Variants in EVI5 observed in about 807,000 individuals in gnomAD.
EVI5 encodes the protein ecotropic viral integration site 5 protein homolog.
In EVI5, 73 loss-of-function variants were observed where a neutral mutation model predicts 112.0. The observed-to-expected ratio is 0.65, with a 90% CI of 0.54 to 0.79. The LOEUF (loss-of-function observed/expected upper bound fraction) is 0.79, where lower values mean the gene tolerates loss of function less well. Ranked by LOEUF, EVI5 falls within the 30% of genes least tolerant of loss-of-function variation. The probability of loss-of-function intolerance (pLI) is 0.00; values close to 1 mark genes in which losing one functional copy is unlikely to be tolerated. For synonymous variants in EVI5, 305 were observed against 319.9 expected, an observed-to-expected ratio of 0.95 and a Z score of 0.50; for missense variants, 900 against 968.8, an observed-to-expected ratio of 0.93 and a Z score of 0.94.
intron 1 of EVI5, among the ~76,000 whole-genome samples, chr1:92,743,484 A>G (rs1678760055): frequency 6.6e-6 from 1 of 152,252 alleles, no homozygotes; most frequent in South Asian, 2.1e-4. Flanking sequence ...AGTCAAATCC[A>G]CAGAGACAGA....
At chr1:92,576,151 A>G (rs183333956) in intron 18 of EVI5, among the ~76,000 whole-genome samples, 7 of 152,330 alleles carry the variant, frequency 4.6e-5, no homozygotes, top group Non-Finnish European at 8.8e-5. Context: ...AACAGTGCTA[A>G]AAGACACTGG....
intron 5 of EVI5, among the ~76,000 whole-genome samples, chr1:92,700,562 T>C (rs1180771185): frequency 1.3e-5 from 2 of 152,150 alleles, no homozygotes; most frequent in African/African-American, 4.8e-5. Context: ...GTAATAATAC[T>C]TATTGAAGTT....
intron 16 of EVI5, among the ~76,000 whole-genome samples, chr1:92,608,128 GCGACA>G (rs1302333235): frequency 1.3e-4 from 19 of 150,992 alleles, no homozygotes; most frequent in Non-Finnish European, 2.7e-4. Flanking sequence ...TCCAGCCTGG[GCGACA>G]GAGCGAGACT....
chr1:92,577,899 T>C (rs80227894), intron 18 of EVI5, among the ~76,000 whole-genome samples: 2 of 152,338 alleles, frequency 1.3e-5, no homozygotes, highest in African/African-American at 2.4e-5. Flanking sequence ...CCATTTTTGC[T>C]TTCTGGCTTT....
rs574684561 is a variant in EVI5, at chr1:92,633,691, A to G, written c.1527+2511T>C. Among the ~76,000 whole-genome samples, 7 of 152,240 alleles carry G rather than the reference A, an allele frequency of 4.6e-5. No homozygotes were observed. The South Asian group carries it at 1.0e-3, about 23-fold the overall frequency. ...CTTTACATTTAAGGTTAATATTGTT[A>G]TGTGTGAATTTGATCCTGACATTAT... On this transcript the variant is annotated intron_variant, in intron 14 of 19. Transcript: ENST00000684568.
At chr1:92,776,767 C>G (rs1684189444) in intron 1 of EVI5, among the ~76,000 whole-genome samples, 1 of 150,948 alleles carries the variant, frequency 6.6e-6, no homozygotes, top group South Asian at 2.1e-4. Flanking sequence ...TACCAAGTAG[C>G]TGGGACTACA....
At chr1:92,663,820 T>C (rs1664421521) in intron 11 of EVI5, among the ~76,000 whole-genome samples, 1 of 152,190 alleles carries the variant, frequency 6.6e-6, no homozygotes, top group African/African-American at 2.4e-5. Context: ...TGTAGCTCAT[T>C]GTAACTGCCA....
chr1:92,726,732 G>C (rs1353421973), intron 2 of EVI5, among the ~76,000 whole-genome samples: 1 of 152,038 alleles, frequency 6.6e-6, no homozygotes, highest in East Asian at 1.9e-4. Context: ...ATGTAGTGTA[G>C]AGTTTATAAC....
At chr1:92,785,962 T>TAGTAC (rs1685594359), upstream of EVI5, among the ~76,000 whole-genome samples, 9 of 151,626 alleles carry the variant, frequency 5.9e-5, no homozygotes, top group South Asian at 1.9e-3. Flanking sequence ...GGCGTGCGCC[T>TAGTAC]GTACTCCCAG....
intron 19 of EVI5, among the ~76,000 whole-genome samples, chr1:92,517,048 G>C (rs1660020315): frequency 6.6e-6 from 1 of 152,140 alleles, no homozygotes; most frequent in Non-Finnish European, 1.5e-5. Context: ...CTTTTGAAAA[G>C]TGAAATCCCA....
chr1:92,764,383 G>A (rs1448760337), intron 1 of EVI5, among the ~76,000 whole-genome samples: 1 of 152,126 alleles, frequency 6.6e-6, no homozygotes, highest in Non-Finnish European at 1.5e-5. Context: ...GTTAATCTAG[G>A]AATATTTAAA....
intron 19 of EVI5, among the ~76,000 whole-genome samples, chr1:92,525,527 C>T (rs1299614560): frequency 6.6e-6 from 1 of 152,124 alleles, no homozygotes; most frequent in Admixed American, 6.5e-5. Flanking sequence ...TCTTGGCCTC[C>T]CAAAGTGCTG....
chr1:92,749,271 A>C, intron 1 of EVI5: 3 of 325,938 alleles, frequency 9.2e-6, no homozygotes, highest in South Asian at 7.9e-5. Flanking sequence ...ATCTGCTGGC[A>C]GTTAGCTTTG....
chr1:92,700,246 T>C (rs1157835461), intron 5 of EVI5, among the ~76,000 whole-genome samples: 1 of 152,224 alleles, frequency 6.6e-6, no homozygotes. Context: ...AAAGGTCTAA[T>C]GCAGACAATA....
intron 14 of EVI5, among the ~76,000 whole-genome samples, chr1:92,632,858 A>T (rs1657514487): frequency 6.6e-6 from 1 of 152,118 alleles, no homozygotes. Flanking sequence ...TGTCCCAGAG[A>T]TTCTGGTATG....
At chr1:92,750,310 A>G (rs954775155) in intron 1 of EVI5, among the ~76,000 whole-genome samples, 7 of 152,244 alleles carry the variant, frequency 4.6e-5, no homozygotes, top group East Asian at 3.8e-4. Context: ...AGAAGGCAGC[A>G]CAGATACAAA....
At position 92,514,112 on chromosome 1, in the gene EVI5, G is replaced by A. The variant is rs1051292086; in HGVS notation, c.2167-142C>T. The stretch of plus-strand genomic sequence containing the variant: ...TAATCATAGTTACTAATTTTTGAGT[G>A]CCTTCTATGTGTTATATATAATGGG... On this transcript the variant is annotated intron_variant, in intron 19 of 19. Coordinates refer to ENST00000684568, the MANE Select transcript of EVI5 (RefSeq NM_001350197.2). 3 of 442,472 alleles carry A rather than the reference G, an allele frequency of 6.8e-6. No homozygotes were observed. The African/African-American group carries it at 1.3e-4, about 19-fold the overall frequency. 27.4% of individuals were successfully genotyped at this position (442,472 alleles called of 1,614,324 possible).
chr1:92,536,353 A>C (rs1663892905), intron 19 of EVI5, among the ~76,000 whole-genome samples: 1 of 152,244 alleles, frequency 6.6e-6, no homozygotes, highest in African/African-American at 2.4e-5. Context: ...AAAATGCAGT[A>C]TAGTTAATAA....
chr1:92,757,150 C>T (rs890353379), intron 1 of EVI5, among the ~76,000 whole-genome samples: 2 of 152,188 alleles, frequency 1.3e-5, no homozygotes, highest in South Asian at 2.1e-4. Context: ...AACACTTTGA[C>T]GGTGCGTGTG....
Sources: gnomAD v4.1 joint callset for allele counts (sites outside exome capture counted in the v4.1 genomes callset) on GRCh38, gnomAD v4.1.1 for gene constraint, MANE v1.5 for transcripts, NCBI Gene and HGNC (gene_info 2026-07-23, HGNC 2026-07-21) for gene names.